IGSF9B: variants seen among roughly 807,000 people sequenced by gnomAD.
IGSF9B encodes the protein protein turtle homolog B.
In IGSF9B, 48 loss-of-function variants were observed where a neutral mutation model predicts 143.7. The observed-to-expected ratio is 0.33, with a 90% CI of 0.26 to 0.42. The LOEUF is 0.42. Ranked by LOEUF, IGSF9B falls within the 20% of genes least tolerant of loss-of-function variation. The pLI, the probability that IGSF9B is intolerant of heterozygous loss-of-function variation, is 1.00. For synonymous variants in IGSF9B, 903 were observed against 833.1 expected (o/e 1.08, Z -1.44); for missense variants, 1,706 against 1,980.0 (o/e 0.86, Z 2.63).
intron 18 of IGSF9B, among the ~76,000 whole-genome samples, chr11:133,918,492 GCA>G (rs1214374388): frequency 2.0e-5 from 3 of 152,166 alleles, no homozygotes; most frequent in African/African-American, 4.8e-5. Context: ...CGCGCACAAA[GCA>G]CAGAGACAGG....
intron 3 of IGSF9B, among the ~76,000 whole-genome samples, 192 bp downstream of exon 3, chr11:133,944,028 A>C (rs988492449): frequency 1.3e-5 from 2 of 152,252 alleles, no homozygotes; most frequent in African/African-American, 4.8e-5. Context: ...CTGCCTGCAC[A>C]GGCTTCGAGA....
At chr11:133,940,115 A>G (rs1591722004) in intron 3 of IGSF9B, among the ~76,000 whole-genome samples, 4 of 143,916 alleles carry the variant, frequency 2.8e-5, no homozygotes. Flanking sequence ...ACATAAACAT[A>G]CACCTCGCAC....
chr11:133,938,074 C>A lies in IGSF9B; in HGVS notation c.410-113G>T, dbSNP rs1939858973. 3 of 1,213,166 alleles carry A rather than the reference C, an allele frequency of 2.5e-6. No homozygotes were observed. In the Admixed American group the frequency reaches 7.0e-5, roughly 28 times the overall value. The allele number at this position is 1,213,166 out of a possible 1,614,324, so 75.2% of individuals were successfully genotyped here. On this transcript the variant is annotated intron_variant, in intron 3 of 19. Transcript: ENST00000533871. ...GCTGCGGCTCTGCGGAATGCAAGGA[C>A]AAAGGAAGGAAGGTGGGGATGGGAA...
chr11:133,939,712 G>A (rs1206676470), intron 3 of IGSF9B, among the ~76,000 whole-genome samples: 8 of 152,046 alleles, frequency 5.3e-5, no homozygotes, highest in Non-Finnish European at 1.2e-4. Context: ...AGGAGCACAC[G>A]TCATCACATG....
intron 15 of IGSF9B, among the ~76,000 whole-genome samples, chr11:133,923,192 C>T (rs1283925758): frequency 1.3e-5 from 2 of 152,236 alleles, no homozygotes; most frequent in African/African-American, 4.8e-5. Flanking sequence ...CAGAACGCAG[C>T]TGCCTGCTCC....
In IGSF9B at chr11:133,953,112, A is replaced by G. The variant is rs1196476298; in HGVS notation, c.64+3579T>C. ...CCAGCACCCTGGCTGGGGAGAAGGC[A>G]AAGGTACAGGAGGTTGGAGTGAGGG... On this transcript the variant is annotated intron_variant, in intron 1 of 19. Transcript: ENST00000533871. This position sits in a 1 kb window ranked among gnomAD's most constrained non-coding sequence, Gnocchi z 4.2. 6.6e-6 allele frequency among the ~76,000 whole-genome samples: 1 copy of G among 152,156 alleles called. No individual in the cohort carries two copies. The highest frequency in any genetic ancestry group is 1.5e-5 in the Non-Finnish European group (1 of 68,012).
intron 5 of IGSF9B, among the ~76,000 whole-genome samples, chr11:133,936,502 G>A (rs1469583671): frequency 1.3e-5 from 2 of 152,200 alleles, no homozygotes; most frequent in Admixed American, 1.3e-4. Context: ...GCGAGGAATA[G>A]TCCAGTCTCA....
chr11:133,919,690 T>TG, intron 18 of IGSF9B, 52 bp downstream of exon 18: 2 of 1,149,554 alleles, frequency 1.7e-6, no homozygotes, highest in South Asian at 2.6e-5. Flanking sequence ...GCGAGGCGGG[T>TG]GGGGGAAGGA....
In IGSF9B at chr11:133,919,792, C is replaced by A. The variant is rs1264748387; in HGVS notation, c.3933G>T (p.Gly1311=). The A allele has an allele frequency of 6.7e-7, 1 of 1,502,894 alleles. No homozygotes were observed. Among genetic ancestry groups the A allele is most frequent in the African/African-American group, 1.4e-5 (1 of 71,368 alleles). 93.1% of individuals were successfully genotyped at this position (1,502,894 alleles called of 1,614,324 possible). A position where few individuals can be genotyped will look rare whatever the true frequency, so the allele number is the denominator to read the frequency against. The change falls in exon 18 of 20, where the codon GGG becomes GGT. Residue 1311 remains glycine (G), a synonymous_variant. Coordinates refer to ENST00000533871, the MANE Select transcript of IGSF9B (RefSeq NM_001277285.4). ...GGGTCTCCGGTCGGAGCAATTCCTC[C>A]CCCGTCCTTCGAGGGGAAGGCGTCT... ...FGQTPSPRRT[G]EELLRPETPP...
In IGSF9B at chr11:133,908,963, G is replaced by T; in HGVS notation, c.*106C>A. Reference sequence around the variant, plus strand: ...CAAAAGAGGGGGCATGCAGGACAAAGGTCTGGGCCGCCCTTGGCAGACGGA... The same window carrying T: ...CAAAAGAGGGGGCATGCAGGACAAATGTCTGGGCCGCCCTTGGCAGACGGA... On this transcript the variant is annotated 3_prime_UTR_variant, in exon 20 of 20. Transcript: ENST00000533871. The T allele has an allele frequency of 1.0e-6, 1 of 982,972 alleles. No individual in the cohort carries two copies. The highest frequency in any genetic ancestry group is 1.6e-5 in the South Asian group (1 of 63,512). 60.9% of individuals were successfully genotyped at this position (982,972 alleles called of 1,614,324 possible). A position where few individuals can be genotyped will look rare whatever the true frequency, so the allele number is the denominator to read the frequency against.
Position 133,922,230 on chromosome 11 carries a change from G to C in IGSF9B, c.2282-8C>G. On this transcript the variant is annotated splice_region_variant and splice_polypyrimidine_tract_variant and intron_variant, in intron 16 of 19. Transcript: ENST00000533871. ...TGATGGAGAGTGGAGGGTCTGGAAG[G>C]AAAGAGAAGGGGAGAGGCTGCTGAG... is the stretch of plus-strand genomic sequence containing the variant. 3 of 1,611,780 alleles carry C rather than the reference G, an allele frequency of 1.9e-6. No individual in the cohort carries two copies. Among genetic ancestry groups the C allele is most frequent in the Middle Eastern group, 1.6e-4 (1 of 6,062 alleles).
At chr11:133,923,601 C>A (rs58503564) in intron 15 of IGSF9B, among the ~76,000 whole-genome samples, 1 of 152,154 alleles carries the variant, frequency 6.6e-6, no homozygotes, top group Non-Finnish European at 1.5e-5. Context: ...TAGATTGTAA[C>A]GTATTTGGCC....
At chr11:133,932,244 G>A (rs1362562884) in intron 7 of IGSF9B, 31 bp from the exon 8 acceptor site, 2 of 1,498,212 alleles carry the variant, frequency 1.3e-6, no homozygotes, top group Non-Finnish European at 1.8e-6. Context: ...TGAGAGAGCA[G>A]ACAGACAGAC....
At chr11:133,951,590 C>G (rs1443139857) in intron 1 of IGSF9B, among the ~76,000 whole-genome samples, 1 of 152,210 alleles carries the variant, frequency 6.6e-6, no homozygotes, top group Non-Finnish European at 1.5e-5. Context: ...TCCAAGAGTC[C>G]TTTCCCCAGG....
At chr11:133,914,766 T>C (rs533376867) in intron 18 of IGSF9B, among the ~76,000 whole-genome samples, 1 of 152,228 alleles carries the variant, frequency 6.6e-6, no homozygotes, top group South Asian at 2.1e-4. Flanking sequence ...GCAGGCAAAA[T>C]GAGTCTATTT....
At position 133,925,981 on chromosome 11, in the gene IGSF9B, G is replaced by T; in HGVS notation, c.1808-16C>A. 1 of 1,551,388 alleles carries T rather than the reference G, an allele frequency of 6.4e-7. No individual in the cohort carries two copies. Among genetic ancestry groups the T allele is most frequent in the Non-Finnish European group, 8.8e-7 (1 of 1,140,196 alleles). ...ATAGGGAATGCTGCGGCGGGGGAAG[G>T]AGAAGAACCACAGCGCATCAGCGAG... On this transcript the variant is annotated splice_polypyrimidine_tract_variant and intron_variant, in intron 13 of 19. Transcript: ENST00000533871.
rs983843563 is a variant in IGSF9B at position 133,909,244 on chromosome 11, T to C, written c.4139A>G (p.Asn1380Ser). ...TTCATCGGGCCACAGAACCTGAGAG[T>C]TGGGAAGCTGCTGAGTCTGGGAGGC... ...DSASQTQQLP[N>S]SQVLWPDEAV... The change falls in exon 20 of 20, where the codon AAC becomes AGC. Residue 1380 changes from asparagine (N) to serine (S), a missense_variant. Physicochemically the swap from Asn to Ser is conservative, Grantham distance 46. This residue lies in a region of IGSF9B where 880 missense variants were observed against 762.9 expected (regional missense o/e 1.15). Transcript: ENST00000533871. This position sits in a 1 kb window ranked among gnomAD's most constrained non-coding sequence, Gnocchi z 4.2. 3.1e-5 allele frequency: 47 copies of C among 1,535,536 alleles called. No homozygotes were observed. Among genetic ancestry groups the C allele is most frequent in the African/African-American group, 9.6e-5 (7 of 72,914 alleles).
chr11:133,950,529 G>T (rs543284206), intron 1 of IGSF9B, among the ~76,000 whole-genome samples: 1 of 152,350 alleles, frequency 6.6e-6, no homozygotes, highest in East Asian at 1.9e-4. Context: ...TTCTCAGAAA[G>T]CAGGTGGGGC....
intron 18 of IGSF9B, 138 bp from the exon 19 acceptor site, chr11:133,912,145 C>T (rs1939310949): frequency 1.0e-6 from 1 of 968,274 alleles, no homozygotes. Flanking sequence ...CCCACGATGG[C>T]TCCATGACAC....
Sources: gnomAD v4.1 joint callset for allele counts (sites outside exome capture counted in the v4.1 genomes callset) on GRCh38, gnomAD v4.1.1 for gene constraint, gnomAD v4.1.1 regional missense constraint, Gnocchi (gnomAD v3.1) non-coding constraint, MANE v1.5 for transcripts, NCBI Gene and HGNC (gene_info 2026-07-23, HGNC 2026-07-21) for gene names.